Variants in EYS observed in about 807,000 individuals in gnomAD.
EYS encodes EGF-like photoreceptor maintenance factor, also known as protein eyes shut homolog.
EYS carries 250 observed loss-of-function variants against 282.1 expected under a neutral mutation model. That is an observed-to-expected ratio of 0.89 (90% CI 0.80 to 0.98). The LOEUF is 0.98. Among genes scored for constraint, EYS ranks in the 50% least tolerant of loss-of-function variants. The probability of loss-of-function intolerance (pLI) is 0.00; values close to 1 mark genes in which losing one functional copy is unlikely to be tolerated. For missense variants in EYS, 4,016 were observed against 3,709.0 expected, an observed-to-expected ratio of 1.08 and a Z score of -2.15; for synonymous variants, 1,355 against 1,282.9, an observed-to-expected ratio of 1.06 and a Z score of -1.20.
chr6:63,873,147 C>G (rs866597028), intron 35 of EYS, among the ~76,000 whole-genome samples: 1 of 123,192 alleles, frequency 8.1e-6, no homozygotes, highest in South Asian at 3.2e-4. Context: ...TGCTATCCCT[C>G]CCCCCTCCCT....
At chr6:65,397,895 T>C (rs1349929108) in intron 7 of EYS, among the ~76,000 whole-genome samples, 1 of 152,096 alleles carries the variant, frequency 6.6e-6, no homozygotes, top group Non-Finnish European at 1.5e-5. Context: ...CATACCCTTC[T>C]CTCTGCATCC....
At chr6:64,755,278 A>G (rs746981579) in intron 22 of EYS, among the ~76,000 whole-genome samples, 1 of 152,098 alleles carries the variant, frequency 6.6e-6, no homozygotes, top group Non-Finnish European at 1.5e-5. Flanking sequence ...CAAAACACTG[A>G]TGAAAAGAAT....
At chr6:63,782,657 C>G (rs34254442) in intron 39 of EYS, among the ~76,000 whole-genome samples, 12,383 of 152,058 alleles carry the variant, frequency 0.081, 563 homozygotes, top group East Asian at 0.16. Context: ...CTTTATTAGT[C>G]TTGCTAGCAG....
intron 22 of EYS, among the ~76,000 whole-genome samples, chr6:64,642,484 C>A (rs559041711): frequency 6.6e-6 from 1 of 152,260 alleles, no homozygotes; most frequent in African/African-American, 2.4e-5. Context: ...TAAGGTTATC[C>A]TACTGTGAGT....
rs998365330 is a variant in EYS, at chr6:65,197,666, A to T, written c.2023+98197T>A. Among the ~76,000 whole-genome samples, 3 of 152,238 alleles carry T rather than the reference A, an allele frequency of 2.0e-5. No individual in the cohort carries two copies. The East Asian group carries it at 5.8e-4, about 29-fold the overall frequency. Reference sequence around the variant, plus strand: ...ATAGAGTGTACTTCCACAAACTGAGATGGTAGAGTCTGTAGGTTACTGTAC... The same window carrying T: ...ATAGAGTGTACTTCCACAAACTGAGTTGGTAGAGTCTGTAGGTTACTGTAC... On this transcript the variant is annotated intron_variant, in intron 12 of 42. Transcript: ENST00000503581.
At chr6:64,612,535 G>A (rs1196373544) in intron 24 of EYS, among the ~76,000 whole-genome samples, 1 of 151,996 alleles carries the variant, frequency 6.6e-6, no homozygotes, top group Non-Finnish European at 1.5e-5. Flanking sequence ...CTTTAATCTT[G>A]TTTGGAATCA....
intron 26 of EYS, among the ~76,000 whole-genome samples, chr6:64,449,081 C>T (rs1775222333): frequency 6.6e-6 from 1 of 152,088 alleles, no homozygotes; most frequent in Admixed American, 6.5e-5. Context: ...AAGTTCAAAC[C>T]AATGGCAAAG....
chr6:64,684,388 TC>T (rs1405398384), intron 22 of EYS, among the ~76,000 whole-genome samples: 1 of 152,144 alleles, frequency 6.6e-6, no homozygotes, highest in Non-Finnish European at 1.5e-5. Context: ...TCTTTGAGTT[TC>T]AATAATAATT....
At chr6:63,906,190 A>G (rs150867757) in intron 35 of EYS, among the ~76,000 whole-genome samples, 6 of 152,378 alleles carry the variant, frequency 3.9e-5, no homozygotes, top group Non-Finnish European at 7.3e-5. Context: ...CTTGTTATGA[A>G]GCATAATTAC....
chr6:65,335,008 C>G lies in EYS; in HGVS notation c.1738G>C (p.Val580Leu). The change falls in exon 11 of 43, where the codon GTT (valine) becomes CTT (leucine). Residue 580 changes from valine to leucine, a missense_variant. Transcript: ENST00000503581. ...GGTCTATTAATTTCATCTTTACAAA[C>G]AGCTTCATGTTGACACTCATTTTCT... ...DQENECQHEA[V>L]CKDEINRPRC... is the part of the protein sequence containing the mutation. The G allele has an allele frequency of 1.2e-6, 2 of 1,610,340 alleles. No individual in the cohort carries two copies. Among genetic ancestry groups the G allele is most frequent in the Non-Finnish European group, 1.7e-6 (2 of 1,177,624 alleles).
chr6:64,802,024 T>TTTTTTTTTTTG (rs1764252093), intron 22 of EYS, among the ~76,000 whole-genome samples: 1 of 79,024 alleles, frequency 1.3e-5, no homozygotes, highest in Non-Finnish European at 2.6e-5. Context: ...TTTCTTTTTC[T>TTTTTTTTTTTG]TTTTTTTTCT....
At chr6:65,372,231 G>A (rs753838909) in intron 8 of EYS, among the ~76,000 whole-genome samples, 6 of 152,004 alleles carry the variant, frequency 3.9e-5, no homozygotes, top group South Asian at 4.2e-4. Context: ...ATAAAGCTCC[G>A]ATGCTATTTT....
intron 22 of EYS, among the ~76,000 whole-genome samples, chr6:64,650,435 G>A (rs1249939498): frequency 1.3e-5 from 2 of 151,884 alleles, no homozygotes; most frequent in Non-Finnish European, 2.9e-5. Flanking sequence ...TAAAAACAAA[G>A]AGAAACCCCA....
At chr6:65,160,071 A>C (rs1204347900) in intron 12 of EYS, among the ~76,000 whole-genome samples, 1 of 150,804 alleles carries the variant, frequency 6.6e-6, no homozygotes, top group Admixed American at 6.6e-5. Flanking sequence ...AATTTTTCTC[A>C]TATTTGTTGC....
At chr6:63,727,371 G>A (rs560090018) in intron 41 of EYS, among the ~76,000 whole-genome samples, 3 of 152,074 alleles carry the variant, frequency 2.0e-5, no homozygotes, top group Non-Finnish European at 4.4e-5. Flanking sequence ...TGGACCAGGC[G>A]TATGCTAACG....
chr6:64,205,257 A>G (rs1356010434), intron 31 of EYS, among the ~76,000 whole-genome samples: 4 of 152,172 alleles, frequency 2.6e-5, no homozygotes, highest in African/African-American at 4.8e-5. Context: ...TAGTTTGTCT[A>G]CTTATTAAGA....
chr6:64,957,860 T>G (rs1158443861), intron 14 of EYS, among the ~76,000 whole-genome samples: 1 of 152,152 alleles, frequency 6.6e-6, no homozygotes, highest in Non-Finnish European at 1.5e-5. Flanking sequence ...ACAAATAATA[T>G]GGTATTTGCT....
intron 9 of EYS, among the ~76,000 whole-genome samples, chr6:65,350,654 C>G (rs557124087): frequency 2.0e-5 from 3 of 151,528 alleles, no homozygotes. Context: ...TACTTCACTT[C>G]GCAACTCTTT....
intron 31 of EYS, among the ~76,000 whole-genome samples, chr6:64,083,593 A>G (rs1772048260): frequency 6.6e-6 from 1 of 152,202 alleles, no homozygotes; most frequent in African/African-American, 2.4e-5. Context: ...AGAAATGGCA[A>G]TTGTACTGTT....
Sources: gnomAD v4.1 joint callset for allele counts (sites outside exome capture counted in the v4.1 genomes callset) on GRCh38, gnomAD v4.1.1 for gene constraint, MANE v1.5 for transcripts, NCBI Gene and HGNC (gene_info 2026-07-23, HGNC 2026-07-21) for gene names.